The following MACROD2 variants were observed in gnomAD, a reference collection of about 807,000 sequenced individuals.
The protein encoded by MACROD2 is ADP-ribose glycohydrolase MACROD2.
In MACROD2, 36 loss-of-function variants were observed where a neutral mutation model predicts 70.4. The ratio of observed to expected loss-of-function variants is 0.51; its 90% CI spans 0.39 to 0.68. The LOEUF (loss-of-function observed/expected upper bound fraction) is 0.68, where lower values mean the gene tolerates loss of function less well. MACROD2 is among the 30% of genes least tolerant of loss of function. The probability of loss-of-function intolerance (pLI) is 0.00; values close to 1 mark genes in which losing one functional copy is unlikely to be tolerated. For synonymous variants in MACROD2, 172 were observed against 178.8 expected (o/e 0.96, Z 0.30); for missense variants, 496 against 538.4 (o/e 0.92, Z 0.78).
At chr20:15,332,578 G>A (rs1004481468) in intron 6 of MACROD2, among the ~76,000 whole-genome samples, 1 of 144,450 alleles carries the variant, frequency 6.9e-6, no homozygotes, top group Non-Finnish European at 1.5e-5. Flanking sequence ...TAAGGAAAGA[G>A]GCTGTTCTTA....
At chr20:15,985,880 T>C (rs963148427) in intron 13 of MACROD2, 1 of 152,212 alleles carries the variant, frequency 6.6e-6, no homozygotes, top group African/African-American at 2.4e-5. Flanking sequence ...GCTCCCCAAA[T>C]GCACAATTTC....
intron 5 of MACROD2, chr20:14,849,861 A>T (rs144778570): frequency 4.7e-6 from 2 of 426,864 alleles, no homozygotes; most frequent in African/African-American, 4.1e-5. Flanking sequence ...CCCAATAAAA[A>T]TAGGCTCCTA....
At chr20:15,812,064 T>C (rs759275862) in intron 8 of MACROD2, among the ~76,000 whole-genome samples, 3 of 152,220 alleles carry the variant, frequency 2.0e-5, no homozygotes, top group Non-Finnish European at 4.4e-5. Flanking sequence ...ACCCCAAATG[T>C]CTGAACGTTC....
chr20:14,495,306 G>A (rs1484346437), intron 4 of MACROD2, among the ~76,000 whole-genome samples: 1 of 152,154 alleles, frequency 6.6e-6, no homozygotes, highest in East Asian at 1.9e-4. Context: ...TGACCTCAGG[G>A]TACAGGATGG....
In MACROD2 at chr20:15,497,300, T is replaced by C. The variant is rs1325506849; in HGVS notation, c.572-2474T>C. On this transcript the variant is annotated intron_variant, in intron 7 of 17. Transcript: ENST00000684519. ...ATGCCCATCCTGGCCTCCTTCTCCT[T>C]CTTTTTTTTTGAGACAGAGTCTTGC... 3.3e-5 allele frequency among the ~76,000 whole-genome samples: 5 copies of C among 151,612 alleles called. No homozygotes were observed. The East Asian group carries it at 9.6e-4, about 29-fold the overall frequency.
chr20:14,549,060 A>G (rs886137807), intron 4 of MACROD2, among the ~76,000 whole-genome samples: 1 of 152,212 alleles, frequency 6.6e-6, no homozygotes, highest in Admixed American at 6.5e-5. Flanking sequence ...AAAGAGACAC[A>G]TGTTCTAGAA....
intron 10 of MACROD2, among the ~76,000 whole-genome samples, chr20:15,905,413 G>A (rs948294121): frequency 1.3e-5 from 2 of 152,208 alleles, no homozygotes; most frequent in African/African-American, 4.8e-5. Flanking sequence ...ATAGATGTCT[G>A]TGAGTAATTT....
intron 6 of MACROD2, among the ~76,000 whole-genome samples, chr20:15,418,970 C>T (rs1297374135): frequency 1.3e-5 from 2 of 152,140 alleles, no homozygotes; most frequent in Non-Finnish European, 2.9e-5. Context: ...GTTTATTTTG[C>T]TTTAAAAGCT....
intron 3 of MACROD2, among the ~76,000 whole-genome samples, chr20:14,471,120 G>A (rs990336202): frequency 1.3e-5 from 2 of 152,168 alleles, no homozygotes; most frequent in Admixed American, 6.5e-5. Flanking sequence ...GTATCTGGGC[G>A]GGAATGCACT....
At chr20:14,600,521 G>T (rs1219990779) in intron 4 of MACROD2, among the ~76,000 whole-genome samples, 1 of 151,838 alleles carries the variant, frequency 6.6e-6, no homozygotes, top group African/African-American at 2.4e-5. Flanking sequence ...TTTTTATTGG[G>T]CTCTTACTCT....
In MACROD2 at chr20:15,958,701, A is replaced by G. The variant is rs558928807; in HGVS notation, c.908-8852A>G. ...TGTCCCCTCCACCCCCAACAAATTC[A>G]TATGTTGAAGCCCTAACCTCCAACG... On this transcript the variant is annotated intron_variant, in intron 12 of 17. Coordinates refer to ENST00000684519, the MANE Select transcript of MACROD2 (RefSeq NM_001351661.2). Among the ~76,000 whole-genome samples, 4 of 152,276 alleles carry G rather than the reference A, an allele frequency of 2.6e-5. No homozygotes were observed. In the South Asian group the frequency reaches 8.3e-4, roughly 32 times the overall value.
intron 2 of MACROD2, among the ~76,000 whole-genome samples, chr20:14,077,414 A>T (rs768383249): frequency 2.0e-5 from 3 of 152,194 alleles, no homozygotes; most frequent in Non-Finnish European, 4.4e-5. Flanking sequence ...TTGCTATAGA[A>T]TGCTAGTATG....
chr20:15,425,472 A>G (rs997090688), intron 6 of MACROD2, among the ~76,000 whole-genome samples: 1 of 152,210 alleles, frequency 6.6e-6, no homozygotes, highest in Non-Finnish European at 1.5e-5. Context: ...GAAATGTGAT[A>G]TATAATGAAA....
intron 15 of MACROD2, among the ~76,000 whole-genome samples, chr20:16,032,722 GGAA>G (rs142317089): frequency 0.027 from 3,796 of 139,712 alleles, 175 homozygotes; most frequent in African/African-American, 0.094. Context: ...GAAAGGTGGA[GGAA>G]GAAGGAGAGA....
intron 3 of MACROD2, among the ~76,000 whole-genome samples, chr20:14,149,424 G>A (rs924129409): frequency 6.6e-6 from 1 of 151,948 alleles, no homozygotes; most frequent in African/African-American, 2.4e-5. Context: ...AGGTTGATTT[G>A]CTATTGTGAA....
chr20:14,932,740 G>T (rs2074306894), intron 5 of MACROD2, among the ~76,000 whole-genome samples: 1 of 151,852 alleles, frequency 6.6e-6, no homozygotes, highest in Admixed American at 6.6e-5. Flanking sequence ...GCTAATTTTT[G>T]TATTTTTAGT....
chr20:15,610,187 T>C (rs749979727), intron 8 of MACROD2, among the ~76,000 whole-genome samples: 1 of 152,234 alleles, frequency 6.6e-6, no homozygotes, highest in Non-Finnish European at 1.5e-5. Context: ...CTCAGTATGT[T>C]ACCCATCTAC....
intron 10 of MACROD2, among the ~76,000 whole-genome samples, chr20:15,890,511 C>G (rs2064874656): frequency 6.6e-6 from 1 of 152,182 alleles, no homozygotes; most frequent in South Asian, 2.1e-4. Flanking sequence ...CTCCAAGCAT[C>G]TCATTTCTGT....
At chr20:15,433,695 A>AT (rs2046392824) in intron 7 of MACROD2, among the ~76,000 whole-genome samples, 2 of 151,736 alleles carry the variant, frequency 1.3e-5, no homozygotes, top group Admixed American at 1.3e-4. Context: ...AGGAAAAAAA[A>AT]GCTGAAAATT....
Sources: allele counts gnomAD v4.1 joint callset (sites outside exome capture counted in the v4.1 genomes callset), GRCh38; gene constraint gnomAD v4.1.1; transcripts MANE v1.5; gene names NCBI Gene and HGNC (gene_info 2026-07-23, HGNC 2026-07-21).